The following KIF5C variants were observed in gnomAD, a reference collection of about 807,000 sequenced individuals.
KIF5C encodes the protein kinesin family member 5C, also known as kinesin heavy chain isoform 5C.
In KIF5C, 18 loss-of-function variants were observed where a neutral mutation model predicts 125.2. That is an observed-to-expected ratio of 0.14 (90% confidence interval 0.10 to 0.21). KIF5C has a LOEUF of 0.21. Ranked by LOEUF, KIF5C falls within the 10% of genes least tolerant of loss-of-function variation. The pLI is 1.00. For synonymous variants in KIF5C, 405 were observed against 434.0 expected, an observed-to-expected ratio of 0.93 and a Z score of 0.83; for missense variants, 780 against 1,183.8, an observed-to-expected ratio of 0.66 and a Z score of 5.01.
intron 4 of KIF5C, among the ~76,000 whole-genome samples, chr2:148,937,626 C>A (rs1344334034): frequency 6.6e-6 from 1 of 152,140 alleles, no homozygotes; most frequent in East Asian, 1.9e-4. Flanking sequence ...GATTGTTGCC[C>A]AAATTCTACC....
At chr2:148,890,556 GCCACTTTT>G (rs1681680221) in intron 1 of KIF5C, among the ~76,000 whole-genome samples, 1 of 152,158 alleles carries the variant, frequency 6.6e-6, no homozygotes, top group Admixed American at 6.5e-5. Context: ...AAGCATGTGA[GCCACTTTT>G]GAGAGGCCTG....
chr2:148,998,377 G>A, intron 18 of KIF5C, 23 bp from the exon 19 acceptor site: 3 of 1,553,988 alleles, frequency 1.9e-6, no homozygotes, highest in Admixed American at 2.0e-5. Context: ...TAGATGACAT[G>A]TTTCTCTTGG....
At chr2:148,934,312 T>G (rs1682244304) in intron 3 of KIF5C, among the ~76,000 whole-genome samples, 3 of 150,044 alleles carry the variant, frequency 2.0e-5, no homozygotes, top group Admixed American at 2.0e-4. Context: ...CATAACATCA[T>G]AAACATACAG....
intron 1 of KIF5C, among the ~76,000 whole-genome samples, chr2:148,881,963 C>T (rs1681372066): frequency 6.6e-6 from 1 of 152,128 alleles, no homozygotes; most frequent in Non-Finnish European, 1.5e-5. Context: ...TCCAGTCTCA[C>T]CTTACTTTCT....
chr2:148,993,912 G>C (rs186550378), intron 16 of KIF5C, among the ~76,000 whole-genome samples: 2 of 152,268 alleles, frequency 1.3e-5, no homozygotes, highest in East Asian at 3.9e-4. Context: ...GTGTGTGTGT[G>C]GCATGTGGTG....
intron 2 of KIF5C, among the ~76,000 whole-genome samples, chr2:148,922,996 T>C (rs1019361788): frequency 6.6e-6 from 1 of 152,164 alleles, no homozygotes; most frequent in Non-Finnish European, 1.5e-5. Flanking sequence ...GAAGCTTGCA[T>C]TGGCAGGCTT....
At chr2:148,957,593 A>G (rs542462782) in intron 10 of KIF5C, among the ~76,000 whole-genome samples, 41 of 47,594 alleles carry the variant, frequency 8.6e-4, no homozygotes, top group African/African-American at 6.6e-3. Context: ...TTGTTCTAGT[A>G]AAAAAAAAAA....
chr2:148,913,625 A>C (rs1681428726), intron 1 of KIF5C, among the ~76,000 whole-genome samples: 1 of 152,208 alleles, frequency 6.6e-6, no homozygotes, highest in Non-Finnish European at 1.5e-5. Context: ...AGAGAACTTT[A>C]CATGTGTCAC....
At chr2:148,926,903 GTACTTTCAGGGCCGTGATTGTAAA>G (rs1316965702) in intron 2 of KIF5C, among the ~76,000 whole-genome samples, 2 of 152,140 alleles carry the variant, frequency 1.3e-5, no homozygotes, top group African/African-American at 2.4e-5. Flanking sequence ...AATACTTTCA[GTACTTTCAGGGCCGTGATTGTAAA>G]TACTTTCAGG....
At chr2:148,958,255 A>C (rs1682845607) in intron 10 of KIF5C, among the ~76,000 whole-genome samples, 1 of 152,172 alleles carries the variant, frequency 6.6e-6, no homozygotes, top group Non-Finnish European at 1.5e-5. Context: ...AGTAGATACT[A>C]CTAAAGATTT....
intron 1 of KIF5C, among the ~76,000 whole-genome samples, chr2:148,902,587 G>T (rs1036444226): frequency 6.6e-6 from 1 of 152,164 alleles, no homozygotes; most frequent in East Asian, 1.9e-4. Context: ...AAAGTGCTGG[G>T]ATTACAGGCA....
chr2:149,008,247 C>CGT (rs1371192053), intron 23 of KIF5C, among the ~76,000 whole-genome samples, 180 bp downstream of exon 23: 2 of 152,080 alleles, frequency 1.3e-5, no homozygotes, highest in African/African-American at 4.8e-5. Context: ...AGTGACTTCC[C>CGT]GTATATATAA....
At chr2:148,899,617 C>G in intron 1 of KIF5C, among the ~76,000 whole-genome samples, 1 of 149,276 alleles carries the variant, frequency 6.7e-6, no homozygotes, top group East Asian at 2.0e-4. Context: ...GCAGGAGAAT[C>G]GCTTGATTCC....
chr2:148,994,394 T>G, intron 16 of KIF5C, 27 bp from the exon 17 acceptor site: 1 of 1,549,036 alleles, frequency 6.5e-7, no homozygotes, highest in East Asian at 2.4e-5. Context: ...TGCTAGTCAT[T>G]CACTCTTCCT....
intron 21 of KIF5C, among the ~76,000 whole-genome samples, chr2:149,004,170 G>T (rs1433505091): frequency 6.6e-6 from 1 of 152,208 alleles, no homozygotes. Flanking sequence ...TTGACTTCAG[G>T]TGCTTCTTAT....
intron 18 of KIF5C, chr2:148,998,173 G>A: frequency 3.2e-6 from 2 of 620,368 alleles, no homozygotes; most frequent in Non-Finnish European, 5.5e-6. Context: ...TAGTTGGTGG[G>A]CTAATTGGCT....
chr2:148,948,603 C>T (rs1054519101), intron 8 of KIF5C, among the ~76,000 whole-genome samples: 7 of 152,136 alleles, frequency 4.6e-5, no homozygotes, highest in African/African-American at 1.7e-4. Flanking sequence ...ACCTGTTTTC[C>T]TTTGCCCTAG....
At chr2:148,981,148 A>G (rs1474372467) in intron 13 of KIF5C, among the ~76,000 whole-genome samples, 1 of 152,208 alleles carries the variant, frequency 6.6e-6, no homozygotes, top group Non-Finnish European at 1.5e-5. Flanking sequence ...ACATGCACAC[A>G]AAACAGATTT....
intron 1 of KIF5C, among the ~76,000 whole-genome samples, chr2:148,880,272 C>A (rs1681309482): frequency 6.6e-6 from 1 of 152,152 alleles, no homozygotes; most frequent in South Asian, 2.1e-4. Flanking sequence ...AGGCGTGTGC[C>A]ACCACATTCA....
Sources: allele counts gnomAD v4.1 joint callset (sites outside exome capture counted in the v4.1 genomes callset), GRCh38; gene constraint gnomAD v4.1.1; transcripts MANE v1.5; gene names NCBI Gene and HGNC (gene_info 2026-07-23, HGNC 2026-07-21).